Variants in CHRNE observed in about 807,000 individuals in gnomAD.
CHRNE encodes the protein acetylcholine receptor subunit epsilon.
A neutral mutation model predicts 56.5 loss-of-function variants in CHRNE; 58 were observed. That is an observed-to-expected ratio of 1.03 (90% CI 0.83 to 1.28). CHRNE has a LOEUF of 1.28. Among genes scored for constraint, CHRNE ranks in the 50% most tolerant of loss-of-function variants. The pLI is 0.00. For synonymous variants in CHRNE, 385 were observed against 297.9 expected (o/e 1.29, Z -3.01); for missense variants, 793 against 688.9 (o/e 1.15, Z -1.69).
At position 4,900,420 on chromosome 17, in the gene CHRNE, T is replaced by C. The variant is rs946795759; in HGVS notation, c.917+373A>G. The C allele has an allele frequency of 6.4e-6, 10 of 1,550,844 alleles. No individual in the cohort carries two copies. In the East Asian group the frequency reaches 2.2e-4, roughly 34 times the overall value. ...GCTCCTAGTCCAGGGAGCATGGCTA[T>C]GCCTGTGTGGACGGGGTCTGCAGGG... On this transcript the variant is annotated intron_variant, in intron 8 of 11. Transcript: ENST00000649488.
chr17:4,900,227 C>T (rs1161346606), intron 8 of CHRNE: 3 of 1,546,926 alleles, frequency 1.9e-6, no homozygotes, highest in Non-Finnish European at 1.7e-6. Flanking sequence ...CCCCTGTGCC[C>T]CCAATGCAGA....
chr17:4,899,226 C>A lies in CHRNE; in HGVS notation c.1191G>T (p.Gly397=), dbSNP rs779084533. The change falls in exon 10 of 12, where the codon GGG becomes GGT. Residue 397 remains glycine (G), a synonymous_variant. Coordinates refer to ENST00000649488, the MANE Select transcript of CHRNE (RefSeq NM_000080.4). ...KKPRSELVFE[G]QRHRQGTWTA... ...TCCAGGTCCCCTGCCGGTGCCTCTGCCCCTCAAACACGAGCTCGCTCCGTG... is the reference window on the plus strand; with the variant it reads ...TCCAGGTCCCCTGCCGGTGCCTCTGACCCTCAAACACGAGCTCGCTCCGTG... 2.2e-5 allele frequency: 35 copies of A among 1,606,908 alleles called. No homozygotes were observed. Among genetic ancestry groups the A allele is most frequent in the Non-Finnish European group, 2.7e-5 (32 of 1,178,904 alleles).
chr17:4,901,333 C>G, intron 6 of CHRNE, 143 bp from the exon 7 acceptor site: 2 of 1,010,040 alleles, frequency 2.0e-6, no homozygotes, highest in South Asian at 1.4e-5. Context: ...AAAGGGCATT[C>G]TCGTTGAGGG....
intron 5 of CHRNE, 89 bp from the exon 6 acceptor site, chr17:4,901,714 G>C (rs1969991536): frequency 7.3e-7 from 1 of 1,373,248 alleles, no homozygotes; most frequent in Non-Finnish European, 1.0e-6. Flanking sequence ...ATCTAGCGGG[G>C]CCGCGATCCC....
At chr17:4,901,840 C>A in intron 5 of CHRNE, 92 bp downstream of exon 5, 3 of 1,566,276 alleles carry the variant, frequency 1.9e-6, no homozygotes, top group African/African-American at 1.4e-5. Context: ...AGCGCGAAGC[C>A]CCGCCCCGAG....
chr17:4,905,472 G>A (rs1970081251), upstream of CHRNE, among the ~76,000 whole-genome samples: 1 of 152,170 alleles, frequency 6.6e-6, no homozygotes, highest in Non-Finnish European at 1.5e-5. Context: ...GGCTGAGGCG[G>A]GAGGATTGCT....
chr17:4,900,931 G>A (rs761293676), intron 7 of CHRNE, 24 bp from the exon 8 acceptor site: 2 of 1,614,042 alleles, frequency 1.2e-6, no homozygotes, highest in African/African-American at 1.3e-5. Context: ...CAGTGAGAGC[G>A]GGCCCCGCCT....
rs1185012795 is a variant in CHRNE at position 4,898,615 on chromosome 17, A to C, written c.*121T>G. The C allele has an allele frequency of 3.8e-6, 5 of 1,333,318 alleles. No individual in the cohort carries two copies. Among genetic ancestry groups the C allele is most frequent in the Admixed American group, 2.0e-5 (1 of 50,330 alleles). 82.6% of individuals were successfully genotyped at this position (1,333,318 alleles called of 1,614,324 possible). A position where few individuals can be genotyped will look rare whatever the true frequency, so the allele number is the denominator to read the frequency against. The stretch of plus-strand genomic sequence containing the variant: ...GAACGGGCACACACCATTCTTGTGA[A>C]GTTCACAAACTGCAGATTGATCAGC... On this transcript the variant is annotated 3_prime_UTR_variant, in exon 12 of 12. Coordinates refer to ENST00000649488, the MANE Select transcript of CHRNE (RefSeq NM_000080.4).
chr17:4,902,881 CT>C lies in CHRNE; in HGVS notation c.47-119del. The C allele has an allele frequency of 6.3e-7, 1 of 1,582,332 alleles. No individual in the cohort carries two copies. The highest frequency in any genetic ancestry group is 1.1e-5 in the South Asian group (1 of 90,364). Reference sequence around the variant, plus strand: ...GAGGCTGTGTACTATCAGTATCTGTCTCCTAAACCAATTATGCTGTGCCTGG... The same window carrying C: ...GAGGCTGTGTACTATCAGTATCTGTCCCTAAACCAATTATGCTGTGCCTGG... On this transcript the variant is annotated intron_variant, in intron 1 of 11. Transcript: ENST00000649488. This position sits in a 1 kb window ranked among gnomAD's most constrained non-coding sequence, Gnocchi z 4.0.
chr17:4,901,309 C>T, intron 6 of CHRNE, 119 bp from the exon 7 acceptor site: 2 of 1,140,844 alleles, frequency 1.8e-6, no homozygotes, highest in Admixed American at 1.9e-5. Flanking sequence ...AGGATGGGGG[C>T]AATTACGGAC....
Position 4,899,285 on chromosome 17 carries a change from A to G in CHRNE, c.1132T>C (p.Leu378=). ...AGTATCAGCTCCTCCGCGCGGAGCA[A>G]TAAGCCCACCGACGACGCCCGCCTT... ...PPRRASSVGL[L]LRAEELILKK... is the part of the protein sequence containing the mutation. The change falls in exon 10 of 12, where the codon TTG becomes CTG. Residue 378 remains leucine (L), a synonymous_variant. Coordinates refer to ENST00000649488, the MANE Select transcript of CHRNE (RefSeq NM_000080.4). 6.3e-7 allele frequency: 1 copy of G among 1,599,032 alleles called. No homozygotes were observed. Among genetic ancestry groups the G allele is most frequent in the Non-Finnish European group, 8.5e-7 (1 of 1,177,816 alleles).
chr17:4,901,673 C>T lies in CHRNE; in HGVS notation c.501-48G>A, dbSNP rs753180763. 11 of 1,559,324 alleles carry T rather than the reference C, an allele frequency of 7.1e-6. No homozygotes were observed. In the South Asian group the frequency reaches 7.8e-5, roughly 11 times the overall value. On this transcript the variant is annotated intron_variant, in intron 5 of 11. Coordinates refer to ENST00000649488, the MANE Select transcript of CHRNE (RefSeq NM_000080.4). ...CCACCCCAGAAGCTCTGACCTGGGC[C>T]CCGGCCTCAGGCCCAGCCCTGGAAG... is the stretch of plus-strand genomic sequence containing the variant.
chr17:4,907,294 G>A (rs142542942), upstream of CHRNE, among the ~76,000 whole-genome samples: 1 of 151,986 alleles, frequency 6.6e-6, no homozygotes, highest in African/African-American at 2.4e-5. Context: ...CCGGGCGCGG[G>A]GGCTCACGCC....
chr17:4,900,392 C>A, intron 8 of CHRNE: 1 of 1,550,240 alleles, frequency 6.5e-7, no homozygotes, highest in Non-Finnish European at 8.7e-7. Flanking sequence ...GCGCCAGCGC[C>A]CGGCTCCTAG....
In CHRNE at chr17:4,900,875, CGTT is replaced by C; in HGVS notation, c.832_834del (p.Asn278del). The C allele has an allele frequency of 3.1e-6, 5 of 1,614,180 alleles. No homozygotes were observed. The highest frequency in any genetic ancestry group is 4.2e-6 in the Non-Finnish European group (5 of 1,180,000). ...AAGAAGACGGTCTGGGCGAGCAGGA[CGTT>C]GATGGAGACCGTGCATTTCTGGCCG... On this transcript the variant is annotated inframe_deletion, in exon 8 of 12. Coordinates refer to ENST00000649488, the MANE Select transcript of CHRNE (RefSeq NM_000080.4).
In CHRNE at chr17:4,899,514, G is replaced by C; in HGVS notation, c.986C>G (p.Ser329Cys). 1 of 1,604,546 alleles carries C rather than the reference G, an allele frequency of 6.2e-7. No individual in the cohort carries two copies. The highest frequency in any genetic ancestry group is 8.5e-7 in the Non-Finnish European group (1 of 1,176,726). Residue 329 changes from serine to cysteine, a missense_variant, in exon 9 of 12, where the codon TCC becomes TGC. Ser to Cys is a moderately radical substitution (Grantham distance 112). Transcript: ENST00000649488. ...VMNCVIVLNVSQRTPTTHAMS... is the reference protein window; with the variant it reads ...VMNCVIVLNVCQRTPTTHAMS... Reference sequence around the variant, plus strand: ...GGCGTGGGTGGTGGGCGTCCGCTGGGACACGTTGAGCACGATGACGCAATT... The same window carrying C: ...GGCGTGGGTGGTGGGCGTCCGCTGGCACACGTTGAGCACGATGACGCAATT...
At chr17:4,905,523 C>T (rs984287051), upstream of CHRNE, among the ~76,000 whole-genome samples, 1 of 152,134 alleles carries the variant, frequency 6.6e-6, no homozygotes, top group Non-Finnish European at 1.5e-5. Flanking sequence ...TACGATCACA[C>T]TACACTCCAG....
Position 4,899,274 on chromosome 17 carries a change from C to CGCGG in CHRNE, c.1142_1143insCCGC (p.Glu382ArgfsTer16). ...GTGGCTTTTTCAGTATCAGCTCCTC[C>CGCGG]GCGCGGAGCAATAAGCCCACCGACG... On this transcript the variant is annotated frameshift_variant, in exon 10 of 12. Coordinates refer to ENST00000649488, the MANE Select transcript of CHRNE (RefSeq NM_000080.4). LOFTEE classifies it high-confidence loss of function. The CGCGG allele has an allele frequency of 6.2e-7, 1 of 1,602,008 alleles. No individual in the cohort carries two copies. The highest frequency in any genetic ancestry group is 8.5e-7 in the Non-Finnish European group (1 of 1,178,504).
chr17:4,901,718 C>G, intron 5 of CHRNE, 93 bp from the exon 6 acceptor site: 1 of 1,340,816 alleles, frequency 7.5e-7, no homozygotes, highest in African/African-American at 1.4e-5. Flanking sequence ...AGCGGGGCCG[C>G]GATCCCAAGC....
Sources: gnomAD v4.1 joint callset for allele counts (sites outside exome capture counted in the v4.1 genomes callset) on GRCh38, gnomAD v4.1.1 for gene constraint, Gnocchi (gnomAD v3.1) non-coding constraint, MANE v1.5 for transcripts, NCBI Gene and HGNC (gene_info 2026-07-23, HGNC 2026-07-21) for gene names.